The following RBM47 variants were observed in gnomAD, a reference collection of about 807,000 sequenced individuals.
The protein encoded by RBM47 is RNA-binding protein 47.
Under a neutral mutation model 47.1 loss-of-function variants are expected in RBM47, and 21 were observed. That is an observed-to-expected ratio of 0.45 (90% CI 0.32 to 0.64). The LOEUF (loss-of-function observed/expected upper bound fraction) is 0.64, where lower values mean the gene tolerates loss of function less well. Among genes scored for constraint, RBM47 ranks in the 30% least tolerant of loss-of-function variants. The pLI, the probability that RBM47 is intolerant of heterozygous loss-of-function variation, is 0.05. For synonymous variants in RBM47, 375 were observed against 361.7 expected, an observed-to-expected ratio of 1.04 and a Z score of -0.42; for missense variants, 708 against 870.9, an observed-to-expected ratio of 0.81 and a Z score of 2.35.
intron 2 of RBM47, among the ~76,000 whole-genome samples, chr4:40,494,093 A>G (rs1326373500): frequency 6.6e-6 from 1 of 152,218 alleles, no homozygotes; most frequent in African/African-American, 2.4e-5. Context: ...ACACATATTT[A>G]TTGACCCCCT....
chr4:40,610,714 C>CCAGAATTCCCATGTGGT (rs1397082243), intron 1 of RBM47, among the ~76,000 whole-genome samples: 2 of 152,022 alleles, frequency 1.3e-5, no homozygotes, highest in Admixed American at 1.3e-4. Flanking sequence ...ATTGTATCTC[C>CCAGAATTCCCATGTGGT]CAGAATTCCC....
chr4:40,595,903 C>G (rs1734708389), intron 1 of RBM47, among the ~76,000 whole-genome samples: 1 of 151,282 alleles, frequency 6.6e-6, no homozygotes, highest in Admixed American at 6.6e-5. Context: ...AAACTTCGTC[C>G]CCCCTGCCAA....
chr4:40,558,257 A>C (rs1316792933), intron 1 of RBM47, among the ~76,000 whole-genome samples: 3 of 152,180 alleles, frequency 2.0e-5, no homozygotes, highest in Admixed American at 2.0e-4. Flanking sequence ...AGGCTCAGAA[A>C]TCATTTTTTC....
intron 1 of RBM47, among the ~76,000 whole-genome samples, chr4:40,596,025 T>C (rs1734725536): frequency 6.6e-6 from 1 of 152,186 alleles, no homozygotes; most frequent in African/African-American, 2.4e-5. Flanking sequence ...TTTGATAAGC[T>C]AGCATTCTAA....
At chr4:40,497,566 GC>G (rs1305641670) in intron 2 of RBM47, among the ~76,000 whole-genome samples, 1 of 152,090 alleles carries the variant, frequency 6.6e-6, no homozygotes, top group East Asian at 1.9e-4. Context: ...CTGCACTGCA[GC>G]CTGGGCAACA....
chr4:40,435,713 C>T (rs1346519136), intron 5 of RBM47, among the ~76,000 whole-genome samples: 2 of 152,082 alleles, frequency 1.3e-5, no homozygotes, highest in African/African-American at 2.4e-5. Context: ...TTCAGATGGT[C>T]GGGGCAGAAA....
chr4:40,551,314 G>C (rs1435866664), intron 1 of RBM47, among the ~76,000 whole-genome samples: 1 of 152,098 alleles, frequency 6.6e-6, no homozygotes, highest in Non-Finnish European at 1.5e-5. Flanking sequence ...AGGCCCTTTA[G>C]TACATACTTT....
rs1285642269 is a variant in RBM47 at position 40,432,703 on chromosome 4, G to A, written c.1490C>T (p.Ala497Val). ...GGGAATGACAGCGGCTGCGGCGGCT[G>A]CGGCCGCGGCTGCGGCGGCAGCAGC... is the stretch of plus-strand genomic sequence containing the variant. The part of the protein sequence containing the change: ...ASAAAAAAAA[A>V]AAAAAVIPTV... The change falls in exon 6 of 7, where the codon GCA (alanine) becomes GTA (valine). Residue 497 changes from alanine to valine, a missense_variant. Ala to Val is a moderately conservative substitution (Grantham distance 64, BLOSUM62 0). Coordinates refer to ENST00000295971, the MANE Select transcript of RBM47 (RefSeq NM_001098634.2). 6.3e-7 allele frequency: 1 copy of A among 1,590,940 alleles called. No homozygotes were observed. The highest frequency in any genetic ancestry group is 8.6e-7 in the Non-Finnish European group (1 of 1,165,210).
chr4:40,570,986 C>T (rs2154268710), intron 1 of RBM47, among the ~76,000 whole-genome samples: 1 of 152,118 alleles, frequency 6.6e-6, no homozygotes, highest in South Asian at 2.1e-4. Flanking sequence ...GAGGCAAAGG[C>T]AGGTGGATCA....
intron 1 of RBM47, among the ~76,000 whole-genome samples, chr4:40,604,753 G>A (rs1483541799): frequency 1.3e-5 from 2 of 152,098 alleles, no homozygotes; most frequent in Non-Finnish European, 2.9e-5. Flanking sequence ...GTCTCGCTCT[G>A]TCGCCCAGGC....
At chr4:40,513,413 A>T (rs1725195140) in intron 2 of RBM47, among the ~76,000 whole-genome samples, 1 of 152,186 alleles carries the variant, frequency 6.6e-6, no homozygotes, top group Admixed American at 6.5e-5. Context: ...ATCTGTTGGA[A>T]CTATTTTTTT....
chr4:40,566,348 G>A (rs980864394), intron 1 of RBM47, among the ~76,000 whole-genome samples: 42 of 152,172 alleles, frequency 2.8e-4, no homozygotes, highest in Admixed American at 2.6e-4. Flanking sequence ...GGCCAACATC[G>A]TTAAGAGTTA....
chr4:40,556,995 G>A (rs1376227996), intron 1 of RBM47, among the ~76,000 whole-genome samples: 1 of 151,898 alleles, frequency 6.6e-6, no homozygotes, highest in African/African-American at 2.4e-5. Flanking sequence ...GGGGAGTTGT[G>A]CACATATGAA....
At chr4:40,437,093 AT>A (rs1560357168) in intron 4 of RBM47, among the ~76,000 whole-genome samples, 1,061 of 29,502 alleles carry the variant, frequency 0.036, 214 homozygotes, top group South Asian at 0.094. Context: ...AAAAAAAAAT[AT>A]ATATATATAT....
At chr4:40,614,576 G>A (rs1736547997) in intron 1 of RBM47, among the ~76,000 whole-genome samples, 1 of 151,772 alleles carries the variant, frequency 6.6e-6, no homozygotes, top group African/African-American at 2.4e-5. Context: ...GCTCACACCT[G>A]TAATTACAAC....
In RBM47 at chr4:40,423,706, TTCTTTCTTTTC is replaced by T. The variant is rs1184254611; in HGVS notation, c.*2187_*2197del. ...TTTCTTTCTTTCTTTCTTTCTTTCT[TTCTTTCTTTTC>T]TTTCTTTTCTTTCTTCCTCTTCTTC... On this transcript the variant is annotated 3_prime_UTR_variant, in exon 7 of 7. Transcript: ENST00000295971. 3.1e-4 allele frequency: 25 copies of T among 81,602 alleles called. No homozygotes were observed. Among genetic ancestry groups the T allele is most frequent in the African/African-American group, 2.1e-3 (24 of 11,384 alleles). 5.1% of individuals were successfully genotyped at this position (81,602 alleles called of 1,614,324 possible).
At chr4:40,507,975 A>T (rs1229043886) in intron 2 of RBM47, among the ~76,000 whole-genome samples, 1 of 150,340 alleles carries the variant, frequency 6.7e-6, no homozygotes. Flanking sequence ...CTGAGGCAGG[A>T]GAATAGCTTC....
chr4:40,433,559 T>C (rs542558819), intron 5 of RBM47, among the ~76,000 whole-genome samples: 1 of 152,320 alleles, frequency 6.6e-6, no homozygotes, highest in South Asian at 2.1e-4. Flanking sequence ...ATCAGAGGCT[T>C]GAAGCCTACT....
intron 1 of RBM47, among the ~76,000 whole-genome samples, chr4:40,565,547 G>A (rs748313307): frequency 5.9e-5 from 9 of 152,282 alleles, no homozygotes; most frequent in Non-Finnish European, 1.3e-4. Context: ...GGCTGTATGT[G>A]TACAATTAGC....
Sources: allele counts gnomAD v4.1 joint callset (sites outside exome capture counted in the v4.1 genomes callset), GRCh38; gene constraint gnomAD v4.1.1; transcripts MANE v1.5; gene names NCBI Gene and HGNC (gene_info 2026-07-23, HGNC 2026-07-21).